Variants in FMO1 observed in about 807,000 individuals in gnomAD.
FMO1 encodes the protein flavin-containing monooxygenase 1.
FMO1 carries 36 observed loss-of-function variants against 45.4 expected under a neutral mutation model. That is an observed-to-expected ratio of 0.79 (90% CI 0.61 to 1.05). FMO1 has a LOEUF of 1.05. Ranked by LOEUF, FMO1 falls within the 50% of genes least tolerant of loss-of-function variation. The pLI, the probability that FMO1 is intolerant of heterozygous loss-of-function variation, is 0.00. For synonymous variants in FMO1, 228 were observed against 227.2 expected (o/e 1.00, Z -0.03); for missense variants, 615 against 640.3 (o/e 0.96, Z 0.43).
intron 6 of FMO1, among the ~76,000 whole-genome samples, chr1:171,281,562 C>T (rs1661360168): frequency 6.6e-6 from 1 of 152,156 alleles, no homozygotes; most frequent in African/African-American, 2.4e-5. Flanking sequence ...GCCCTTGTTC[C>T]TTTAAATACA....
intron 1 of FMO1, among the ~76,000 whole-genome samples, chr1:171,256,044 C>A (rs1194128370): frequency 1.3e-5 from 2 of 152,076 alleles, no homozygotes; most frequent in African/African-American, 4.8e-5. Context: ...GAGGCTGAGG[C>A]AGGCTGATCA....
chr1:171,280,930 C>T lies in FMO1; in HGVS notation c.772C>T (p.Arg258Ter), dbSNP rs778028742. Residue 258 changes from arginine to a stop codon, truncating the protein, a stop_gained, in exon 6 of 9, where the codon CGA becomes TGA. Transcript: ENST00000617670. LOFTEE classifies it high-confidence loss of function. Reference sequence around the variant, plus strand: ...CCCAATTGTGACTTGGTTGATGGAGCGAAAGATAAACAACTGGCTCAATCA... The same window carrying T: ...CCCAATTGTGACTTGGTTGATGGAGTGAAAGATAAACAACTGGCTCAATCA... The part of the protein sequence containing the change: ...PTPIVTWLME[R>*]KINNWLNHAN... 8 of 1,613,804 alleles carry T rather than the reference C, an allele frequency of 5.0e-6. No homozygotes were observed. Among genetic ancestry groups the T allele is most frequent in the East Asian group, 2.2e-5 (1 of 44,866 alleles).
chr1:171,255,568 T>C (rs980763311), intron 1 of FMO1, among the ~76,000 whole-genome samples: 3 of 152,172 alleles, frequency 2.0e-5, no homozygotes, highest in South Asian at 4.1e-4. Flanking sequence ...CAAGGAAATA[T>C]ATAACACTGG....
intron 8 of FMO1, among the ~76,000 whole-genome samples, chr1:171,284,185 A>C (rs1454505104): frequency 1.1e-5 from 1 of 90,806 alleles, no homozygotes; most frequent in East Asian, 2.1e-4. Flanking sequence ...AAAAAAAAAA[A>C]AACAAAAAAC....
At chr1:171,253,211 T>A (rs1659977048) in intron 1 of FMO1, among the ~76,000 whole-genome samples, 1 of 152,230 alleles carries the variant, frequency 6.6e-6, no homozygotes, top group South Asian at 2.1e-4. Flanking sequence ...CCTACTCATT[T>A]CCTTCACTTT....
intron 2 of FMO1, among the ~76,000 whole-genome samples, chr1:171,262,736 T>C (rs964789172): frequency 1.3e-5 from 2 of 152,226 alleles, no homozygotes; most frequent in African/African-American, 4.8e-5. Context: ...CATTTTTAAT[T>C]ACTATCATCC....
intron 3 of FMO1, chr1:171,271,228 G>C (rs953725807): frequency 1.3e-5 from 12 of 936,676 alleles, no homozygotes; most frequent in Non-Finnish European, 1.9e-5. Flanking sequence ...ATCACTAATG[G>C]GCAGGCCAAG....
chr1:171,266,913 T>C (rs1176626093), intron 2 of FMO1, among the ~76,000 whole-genome samples: 2 of 152,254 alleles, frequency 1.3e-5, no homozygotes, highest in Non-Finnish European at 2.9e-5. Context: ...TGCTAGTTAT[T>C]TGAGTAAAAA....
At chr1:171,257,660 C>T (rs1055978083) in intron 1 of FMO1, 2 of 214,334 alleles carry the variant, frequency 9.3e-6, no homozygotes, top group East Asian at 1.4e-4. Flanking sequence ...CCACACCAAT[C>T]GGAGCTTCAG....
In FMO1 at chr1:171,281,295, A is replaced by C. The variant is rs28360416; in HGVS notation, c.827+310A>C. 7.9e-5 allele frequency among the ~76,000 whole-genome samples: 12 copies of C among 152,314 alleles called. 1 individual carries two copies. The highest frequency in any genetic ancestry group is 7.8e-4 in the Admixed American group (12 of 15,300). On this transcript the variant is annotated intron_variant, in intron 6 of 8. Coordinates refer to ENST00000617670, the MANE Select transcript of FMO1 (RefSeq NM_001282693.2). ...GTGAACTCTGTGACCTTGGCAAGTT[A>C]CTTGATCCTCAGCTGTAGCAACCAA...
intron 2 of FMO1, among the ~76,000 whole-genome samples, chr1:171,264,753 G>A (rs984575265): frequency 1.3e-5 from 2 of 151,992 alleles, no homozygotes; most frequent in Non-Finnish European, 2.9e-5. Context: ...AATAAAATTA[G>A]CAGGGCGTGG....
chr1:171,276,414 A>G (rs928907547), intron 4 of FMO1, among the ~76,000 whole-genome samples: 18 of 152,230 alleles, frequency 1.2e-4, no homozygotes, highest in African/African-American at 4.3e-4. Flanking sequence ...ATTCTGAGAG[A>G]GGCTCCATAG....
chr1:171,278,026 A>G (rs1661181574), intron 4 of FMO1, among the ~76,000 whole-genome samples: 1 of 152,302 alleles, frequency 6.6e-6, no homozygotes, highest in Admixed American at 6.5e-5. Context: ...GTATTTTCAA[A>G]CCTTCTCCAT....
chr1:171,263,964 C>G (rs1660494912), intron 2 of FMO1, among the ~76,000 whole-genome samples: 2 of 152,278 alleles, frequency 1.3e-5, no homozygotes, highest in African/African-American at 4.8e-5. Flanking sequence ...CAGACCTTTT[C>G]TATTTCCAGG....
intron 7 of FMO1, chr1:171,282,758 C>A (rs1220131493): frequency 8.5e-6 from 2 of 233,918 alleles, no homozygotes; most frequent in Non-Finnish European, 8.2e-6. Flanking sequence ...GTGGAGACTA[C>A]AGACATGCAC....
intron 2 of FMO1, among the ~76,000 whole-genome samples, chr1:171,260,381 C>A (rs1015251087): frequency 6.6e-5 from 10 of 152,002 alleles, no homozygotes; most frequent in African/African-American, 2.2e-4. Flanking sequence ...GAGACACAAT[C>A]CTGGCAGGAA....
intron 2 of FMO1, among the ~76,000 whole-genome samples, chr1:171,261,789 T>C (rs1180849512): frequency 1.3e-5 from 2 of 152,168 alleles, no homozygotes; most frequent in Non-Finnish European, 2.9e-5. Context: ...ATACTCACAA[T>C]GTCATGACTC....
At chr1:171,279,019 G>A (rs1661242161) in intron 5 of FMO1, 148 bp downstream of exon 5, 2 of 621,978 alleles carry the variant, frequency 3.2e-6, no homozygotes, top group Non-Finnish European at 4.7e-6. Context: ...TTTACTGAAT[G>A]TTCACAAATT....
rs1174031530 is a variant in FMO1, at chr1:171,255,820, A to G, written c.-6-2262A>G. On this transcript the variant is annotated intron_variant, in intron 1 of 8. Transcript: ENST00000617670. ...CTGTCCTGCTGTGGGCACTAATGTC[A>G]TGCTATGGTCAGACCTGCTGTCTTT... Among the ~76,000 whole-genome samples, 3 of 152,174 alleles carry G rather than the reference A, an allele frequency of 2.0e-5. No individual in the cohort carries two copies. In the East Asian group the frequency reaches 5.8e-4, roughly 29 times the overall value.
Sources: allele counts gnomAD v4.1 joint callset (sites outside exome capture counted in the v4.1 genomes callset), GRCh38; gene constraint gnomAD v4.1.1; transcripts MANE v1.5; gene names NCBI Gene and HGNC (gene_info 2026-07-23, HGNC 2026-07-21).